The following PTPRJ variants were observed in gnomAD, a reference collection of about 807,000 sequenced individuals.
PTPRJ encodes the protein protein tyrosine phosphatase receptor type J.
Under a neutral mutation model 141.3 loss-of-function variants are expected in PTPRJ, and 129 were observed. That is an observed-to-expected ratio of 0.91 (90% CI 0.79 to 1.06). The LOEUF is 1.06. PTPRJ is among the 50% of genes least tolerant of loss of function. PTPRJ has a pLI of 0.00. For synonymous variants in PTPRJ, 610 were observed against 640.5 expected, an observed-to-expected ratio of 0.95 and a Z score of 0.72; for missense variants, 1,601 against 1,679.7, an observed-to-expected ratio of 0.95 and a Z score of 0.82.
chr11:48,111,113 C>G (rs1222006374), intron 2 of PTPRJ, among the ~76,000 whole-genome samples: 2 of 151,594 alleles, frequency 1.3e-5, no homozygotes, highest in African/African-American at 4.8e-5. Flanking sequence ...ACCATCTGTA[C>G]TAAAAATACC....
At chr11:48,076,099 G>C (rs532137484) in intron 1 of PTPRJ, among the ~76,000 whole-genome samples, 1 of 152,164 alleles carries the variant, frequency 6.6e-6, no homozygotes, top group Non-Finnish European at 1.5e-5. Flanking sequence ...GCTTGACCTG[G>C]GTTCCAGTCT....
At chr11:48,135,988 G>T in intron 8 of PTPRJ, 51 bp from the exon 9 acceptor site, 1 of 1,582,000 alleles carries the variant, frequency 6.3e-7, no homozygotes, top group South Asian at 1.2e-5. Flanking sequence ...AGAGGAAGCT[G>T]GGCGTCATGA....
At chr11:48,059,110 CTTTTTTTTTTTTTT>C (rs917350262) in intron 1 of PTPRJ, among the ~76,000 whole-genome samples, 1 of 102,160 alleles carries the variant, frequency 9.8e-6, no homozygotes, top group Admixed American at 1.1e-4. Flanking sequence ...TGTGCTGTGC[CTTTTTTTTTTTTTT>C]TTTTTTTTTT....
chr11:48,131,352 G>A (rs575004231), intron 8 of PTPRJ, among the ~76,000 whole-genome samples: 6 of 152,112 alleles, frequency 3.9e-5, no homozygotes, highest in Middle Eastern at 6.8e-3. Context: ...CAAAGTGCTT[G>A]GATTACAGGT....
intron 1 of PTPRJ, among the ~76,000 whole-genome samples, chr11:48,063,975 G>A (rs1258597750): frequency 6.6e-6 from 1 of 151,274 alleles, no homozygotes; most frequent in African/African-American, 2.4e-5. Context: ...TTTGGCTTTA[G>A]TTTTGATTCT....
chr11:48,162,387 C>T (rs923998042), intron 22 of PTPRJ, among the ~76,000 whole-genome samples: 1 of 146,420 alleles, frequency 6.8e-6, no homozygotes, highest in African/African-American at 2.7e-5. Context: ...CTCCCTCCTC[C>T]CTCTCCCTCC....
At position 48,164,378 on chromosome 11, in the gene PTPRJ, A is replaced by G. The variant is rs986558459; in HGVS notation, c.3720-2A>G. 2 of 1,612,830 alleles carry G rather than the reference A, an allele frequency of 1.2e-6. No homozygotes were observed. Among genetic ancestry groups the G allele is most frequent in the Non-Finnish European group, 1.7e-6 (2 of 1,179,640 alleles). On this transcript the variant is annotated splice_acceptor_variant, in intron 23 of 24. Coordinates refer to ENST00000418331, the MANE Select transcript of PTPRJ (RefSeq NM_002843.4). LOFTEE classifies it high-confidence loss of function. Reference sequence around the variant, plus strand: ...AATAGGCTTATTTCTCTTTTCTCTCAGTGCTGGGGTCGGAAGGACGGGCAC... The same window carrying G: ...AATAGGCTTATTTCTCTTTTCTCTCGGTGCTGGGGTCGGAAGGACGGGCAC...
intron 1 of PTPRJ, among the ~76,000 whole-genome samples, chr11:47,989,120 T>C (rs1348104235): frequency 1.3e-5 from 2 of 151,722 alleles, no homozygotes; most frequent in African/African-American, 4.8e-5. Flanking sequence ...CCTGACCTTG[T>C]GATCCGCCCG....
intron 1 of PTPRJ, among the ~76,000 whole-genome samples, chr11:48,075,393 G>A (rs1855374801): frequency 6.6e-6 from 1 of 151,614 alleles, no homozygotes; most frequent in African/African-American, 2.4e-5. Flanking sequence ...CCAAAGTGCT[G>A]GGATTACAGG....
At chr11:48,143,847 C>A (rs1857291824) in intron 12 of PTPRJ, among the ~76,000 whole-genome samples, 1 of 139,708 alleles carries the variant, frequency 7.2e-6, no homozygotes, top group Admixed American at 7.3e-5. Flanking sequence ...CCTCCTCCTC[C>A]CCTTCTCCCC....
intron 1 of PTPRJ, among the ~76,000 whole-genome samples, chr11:48,092,294 CA>C (rs3971621): frequency 0.28 from 12,987 of 47,122 alleles, 198 homozygotes; most frequent in African/African-American, 0.39. Context: ...GATTTCATCT[CA>C]AAAAAAAAAA....
intron 2 of PTPRJ, 21 bp downstream of exon 2, chr11:48,110,097 T>C (rs1339168648): frequency 1.9e-6 from 3 of 1,611,064 alleles, no homozygotes; most frequent in Non-Finnish European, 2.5e-6. Context: ...TTTTCCTCTC[T>C]ATTCTTGTGT....
At chr11:48,161,843 TG>T (rs1464249508) in intron 22 of PTPRJ, among the ~76,000 whole-genome samples, 4 of 152,112 alleles carry the variant, frequency 2.6e-5, no homozygotes, top group Non-Finnish European at 4.4e-5. Flanking sequence ...CTTGAACACC[TG>T]ACCTTGTGAT....
intron 1 of PTPRJ, among the ~76,000 whole-genome samples, chr11:48,067,018 A>G (rs1855104234): frequency 6.6e-6 from 1 of 152,218 alleles, no homozygotes; most frequent in African/African-American, 2.4e-5. Context: ...GAAAAAGGGA[A>G]TTAACTTTGG....
chr11:48,042,825 C>G (rs759207650), intron 1 of PTPRJ, among the ~76,000 whole-genome samples: 4 of 150,880 alleles, frequency 2.7e-5, no homozygotes, highest in Non-Finnish European at 4.4e-5. Flanking sequence ...AGAGAGCGAG[C>G]TGGGTTTGGG....
intron 1 of PTPRJ, among the ~76,000 whole-genome samples, chr11:48,091,370 C>T (rs1351892562): frequency 1.3e-5 from 2 of 152,192 alleles, no homozygotes; most frequent in African/African-American, 4.8e-5. Flanking sequence ...AATATCATTA[C>T]TATCCCAGAT....
chr11:48,054,645 C>T (rs368198912), intron 1 of PTPRJ, among the ~76,000 whole-genome samples: 37 of 152,134 alleles, frequency 2.4e-4, no homozygotes, highest in African/African-American at 8.2e-4. Context: ...CCCTGATGTA[C>T]GCCAGGCCTC....
intron 1 of PTPRJ, among the ~76,000 whole-genome samples, chr11:47,981,741 C>T (rs1272060592): frequency 2.0e-5 from 3 of 152,120 alleles, no homozygotes; most frequent in Non-Finnish European, 4.4e-5. Flanking sequence ...TTTTGGTGAC[C>T]GACCTTTCCC....
intron 1 of PTPRJ, among the ~76,000 whole-genome samples, chr11:48,083,121 T>C (rs1467352444): frequency 1.3e-5 from 2 of 152,172 alleles, no homozygotes; most frequent in African/African-American, 2.4e-5. Flanking sequence ...TGCAAGCATT[T>C]TGGTATTAAG....
Sources: allele counts gnomAD v4.1 joint callset (sites outside exome capture counted in the v4.1 genomes callset), GRCh38; gene constraint gnomAD v4.1.1; transcripts MANE v1.5; gene names NCBI Gene and HGNC (gene_info 2026-07-23, HGNC 2026-07-21).